The following LYG2 variants were observed in gnomAD, a reference collection of about 807,000 sequenced individuals.
The protein encoded by LYG2 is lysozyme g2.
Under a neutral mutation model 22.4 loss-of-function variants are expected in LYG2, and 25 were observed. That is an observed-to-expected ratio of 1.12 (90% CI 0.81 to 1.56). The LOEUF (loss-of-function observed/expected upper bound fraction) is 1.56, where lower values mean the gene tolerates loss of function less well. Ranked by LOEUF, LYG2 falls within the 40% of genes most tolerant of loss-of-function variation. LYG2 has a pLI of 0.00. For synonymous variants in LYG2, 88 were observed against 97.0 expected (o/e 0.91, Z 0.55); for missense variants, 266 against 269.5 (o/e 0.99, Z 0.09).
At chr2:99,245,103 C>T (rs1351695136) in intron 5 of LYG2, among the ~76,000 whole-genome samples, 159 bp downstream of exon 5, 14 of 148,566 alleles carry the variant, frequency 9.4e-5, no homozygotes, top group Admixed American at 9.4e-4. Context: ...AAGAATGAAA[C>T]TCCATCTCAA....
At chr2:99,256,320 C>A (rs569271535), upstream of LYG2, among the ~76,000 whole-genome samples, 100 of 152,282 alleles carry the variant, frequency 6.6e-4, no homozygotes, top group African/African-American at 2.4e-3. Context: ...TGTTCTGAGC[C>A]AATGGATGAT....
chr2:99,246,867 A>G (rs774595112), intron 3 of LYG2, 47 bp from the exon 4 acceptor site: 1 of 1,581,352 alleles, frequency 6.3e-7, no homozygotes, highest in Non-Finnish European at 8.6e-7. Context: ...AGAAGATATT[A>G]CTTGGGTTGC....
At chr2:99,245,538 A>T in intron 4 of LYG2, 80 bp from the exon 5 acceptor site, 1 of 836,106 alleles carries the variant, frequency 1.2e-6, no homozygotes, top group Non-Finnish European at 1.8e-6. Context: ...CAGGAGGCTG[A>T]AACAGGAGGA....
intron 6 of LYG2, chr2:99,243,542 A>T (rs61570273): frequency 5.3e-6 from 8 of 1,498,542 alleles, no homozygotes; most frequent in African/African-American, 4.2e-5. Flanking sequence ...AGATAGATAA[A>T]TTTTTTTTTG....
chr2:99,257,325 C>T (rs76093932), upstream of LYG2, among the ~76,000 whole-genome samples: 1 of 152,154 alleles, frequency 6.6e-6, no homozygotes, highest in Non-Finnish European at 1.5e-5. Flanking sequence ...TACGCACTGA[C>T]CTTGTATGGT....
chr2:99,259,965 T>C (rs1211677083), upstream of LYG2, among the ~76,000 whole-genome samples: 1 of 150,136 alleles, frequency 6.7e-6, no homozygotes, highest in Non-Finnish European at 1.5e-5. Context: ...TAAACTTTTT[T>C]TTTTTTTTTT....
rs1311134746 is a variant in LYG2 at position 99,246,809 on chromosome 2, C to G, written c.55G>C (p.Gly19Arg). ...GLIALIGTSR[G>R]SYPFSHSMKP... is the part of the protein sequence containing the mutation. ...ATTGAGTGACTGAAGGGGTATGAGC[C>G]CCTGGAAGTGCCTAGGAGGCAGAAG... The change falls in exon 4 of 7, where the codon GGC (glycine) becomes CGC (arginine). Residue 19 changes from glycine to arginine, a missense_variant. Gly to Arg is a moderately radical substitution (Grantham distance 125). Transcript: ENST00000333017. The G allele has an allele frequency of 6.2e-7, 1 of 1,612,108 alleles. No homozygotes were observed. The highest frequency in any genetic ancestry group is 8.5e-7 in the Non-Finnish European group (1 of 1,179,548).
upstream of LYG2, among the ~76,000 whole-genome samples, chr2:99,259,101 G>C (rs1023339768): frequency 2.6e-5 from 4 of 152,100 alleles, no homozygotes; most frequent in African/African-American, 9.7e-5. Context: ...TACATTGCTG[G>C]TTGGAGTATA....
At chr2:99,248,499 C>T (rs561390928) in intron 3 of LYG2, among the ~76,000 whole-genome samples, 1 of 150,366 alleles carries the variant, frequency 6.7e-6, no homozygotes. Flanking sequence ...AACCAAACAC[C>T]ACATGTTCTC....
At chr2:99,245,593 G>T in intron 4 of LYG2, 135 bp from the exon 5 acceptor site, 4 of 326,384 alleles carry the variant, frequency 1.2e-5, no homozygotes, top group Non-Finnish European at 1.1e-5. Flanking sequence ...GGGCATCATA[G>T]TGAGAGCCCA....
upstream of LYG2, among the ~76,000 whole-genome samples, chr2:99,258,960 C>T (rs1372187610): frequency 6.6e-6 from 1 of 152,234 alleles, no homozygotes; most frequent in East Asian, 1.9e-4. Context: ...AATTGGTAAA[C>T]ATCTTTACAC....
In LYG2 at chr2:99,245,395, A is replaced by G. The variant is rs779440033; in HGVS notation, c.248T>C (p.Leu83Pro). Residue 83 changes from leucine to proline, a missense_variant, in exon 5 of 7, where the codon CTG becomes CCG. Coordinates refer to ENST00000333017, the MANE Select transcript of LYG2 (RefSeq NM_175735.4). Reference protein sequence around the residue: ...DLRAIKPYQTLIKEVGQRHCV... With the variant: ...DLRAIKPYQTPIKEVGQRHCV... ...ATGTCTCTGCCCGACTTCTTTGATC[A>G]GAGTCTGGTAAGGTTTTATGGCCCT... is the stretch of plus-strand genomic sequence containing the variant. The G allele has an allele frequency of 1.2e-5, 19 of 1,612,918 alleles. No homozygotes were observed. The highest frequency in any genetic ancestry group is 1.5e-5 in the Non-Finnish European group (18 of 1,179,462).
chr2:99,259,485 C>A (rs1014763137), upstream of LYG2, among the ~76,000 whole-genome samples: 2 of 151,974 alleles, frequency 1.3e-5, no homozygotes, highest in East Asian at 3.9e-4. Flanking sequence ...GATCATTCAA[C>A]CATGTCTAGG....
Position 99,242,463 on chromosome 2 carries a change from C to A in LYG2, c.540G>T (p.Lys180Asn). 1 of 1,611,432 alleles carries A rather than the reference C, an allele frequency of 6.2e-7. No homozygotes were observed. The highest frequency in any genetic ancestry group is 8.5e-7 in the Non-Finnish European group (1 of 1,178,460). ...QHLKGGLSAF[K>N]SGIEAIATPS... is the part of the protein sequence containing the mutation. ...GGGTGGCAATCGCTTCAATTCCTGACTTAAAAGCTGAGAGACCACCTGAAA... is the reference window on the plus strand; with the variant it reads ...GGGTGGCAATCGCTTCAATTCCTGAATTAAAAGCTGAGAGACCACCTGAAA... Residue 180 changes from lysine (K) to asparagine (N), a missense_variant, in exon 7 of 7, where the codon AAG becomes AAT. Transcript: ENST00000333017.
In LYG2 at chr2:99,246,903, G is replaced by A. The variant is rs2094017025; in HGVS notation, c.44-83C>T. 12 of 1,371,944 alleles carry A rather than the reference G, an allele frequency of 8.7e-6. No individual in the cohort carries two copies. The South Asian group carries it at 1.2e-4, about 14-fold the overall frequency. 85.0% of individuals were successfully genotyped at this position (1,371,944 alleles called of 1,614,324 possible). A position where few individuals can be genotyped will look rare whatever the true frequency, so the allele number is the denominator to read the frequency against. ...TGCAATAAACATCACTAAACCAAAG[G>A]CAGAAGGCCACAGACAGAACTCCCC... On this transcript the variant is annotated intron_variant, in intron 3 of 6. Transcript: ENST00000333017.
At chr2:99,243,489 A>ATAGATAG in intron 6 of LYG2, 1 of 1,327,868 alleles carries the variant, frequency 7.5e-7, no homozygotes, top group Non-Finnish European at 1.0e-6. Flanking sequence ...GAGGTAGGCA[A>ATAGATAG]ACAGATAGAT....
chr2:99,248,581 T>G, intron 3 of LYG2, among the ~76,000 whole-genome samples: 1 of 98,744 alleles, frequency 1.0e-5, no homozygotes, highest in Non-Finnish European at 2.0e-5. Context: ...TGGGGACTGT[T>G]GTGGGGTGGA....
At chr2:99,252,828 C>T (rs867828795) in intron 3 of LYG2, among the ~76,000 whole-genome samples, 3 of 151,782 alleles carry the variant, frequency 2.0e-5, no homozygotes, top group South Asian at 2.1e-4. Context: ...GGACGGATCA[C>T]GAGGTCAGGA....
At chr2:99,245,720 G>A (rs1237473384) in intron 4 of LYG2, among the ~76,000 whole-genome samples, 1 of 152,008 alleles carries the variant, frequency 6.6e-6, no homozygotes, top group African/African-American at 2.4e-5. Context: ...CACAGCCTCT[G>A]ATCACTGCTA....
Sources: allele counts gnomAD v4.1 joint callset (sites outside exome capture counted in the v4.1 genomes callset), GRCh38; gene constraint gnomAD v4.1.1; transcripts MANE v1.5; gene names NCBI Gene and HGNC (gene_info 2026-07-23, HGNC 2026-07-21).